Variants in HSPA4L observed in about 807,000 individuals in gnomAD.
HSPA4L encodes heat shock protein family A (Hsp70) member 4 like.
Under a neutral mutation model 100.3 loss-of-function variants are expected in HSPA4L, and 48 were observed. That is an observed-to-expected ratio of 0.48 (90% CI 0.38 to 0.61). HSPA4L has a LOEUF of 0.61. HSPA4L is among the 20% of genes least tolerant of loss of function. The probability of loss-of-function intolerance (pLI) is 0.00; values close to 1 mark genes in which losing one functional copy is unlikely to be tolerated. For missense variants in HSPA4L, 886 were observed against 988.6 expected, an observed-to-expected ratio of 0.90 and a Z score of 1.39; for synonymous variants, 319 against 328.2, an observed-to-expected ratio of 0.97 and a Z score of 0.30.
intron 16 of HSPA4L, 68 bp from the exon 17 acceptor site, chr4:127,827,237 G>A: frequency 8.0e-7 from 1 of 1,254,804 alleles, no homozygotes; most frequent in Non-Finnish European, 1.1e-6. Context: ...CATCCTATAA[G>A]GGCCCTATAA....
At chr4:127,795,571 G>A (rs1578693673) in intron 2 of HSPA4L, among the ~76,000 whole-genome samples, 197 bp from the exon 3 acceptor site, 1 of 152,218 alleles carries the variant, frequency 6.6e-6, no homozygotes, top group East Asian at 1.9e-4. Context: ...GATAATTTGG[G>A]AGGCAAGTGT....
chr4:127,810,432 G>A (rs1733492621), intron 11 of HSPA4L, among the ~76,000 whole-genome samples: 1 of 152,104 alleles, frequency 6.6e-6, no homozygotes, highest in African/African-American at 2.4e-5. Flanking sequence ...TCTCATTTCT[G>A]GAGGTTAGAA....
chr4:127,820,661 A>C (rs762888072), intron 14 of HSPA4L, 96 bp downstream of exon 14: 35 of 1,132,970 alleles, frequency 3.1e-5, no homozygotes, highest in Non-Finnish European at 4.1e-5. Context: ...GCACTAGTTT[A>C]TAACTCCTAA....
In HSPA4L at chr4:127,835,032, T is replaced by TATTTA. The variant is rs1734172057; in HGVS notation, c.*2159_*2163dup. ...AAACGATTTAGCCTTATAATGTATT[T>TATTTA]ATTTATTTAATTCATTAATGAAAGA... On this transcript the variant is annotated 3_prime_UTR_variant, in exon 19 of 19. Transcript: ENST00000296464. 1 of 152,146 alleles carries TATTTA rather than the reference T, an allele frequency of 6.6e-6. No individual in the cohort carries two copies. Among genetic ancestry groups the TATTTA allele is most frequent in the Admixed American group, 6.5e-5 (1 of 15,284 alleles). 9.4% of individuals were successfully genotyped at this position (152,146 alleles called of 1,614,324 possible).
At chr4:127,805,494 T>A (rs891956412) in intron 9 of HSPA4L, among the ~76,000 whole-genome samples, 193 bp from the exon 10 acceptor site, 3 of 152,260 alleles carry the variant, frequency 2.0e-5, no homozygotes, top group Middle Eastern at 3.4e-3. Flanking sequence ...TGTAAAGATA[T>A]TCTGTTAATT....
At chr4:127,824,203 G>A (rs1020294341) in intron 16 of HSPA4L, among the ~76,000 whole-genome samples, 3 of 152,158 alleles carry the variant, frequency 2.0e-5, no homozygotes, top group African/African-American at 4.8e-5. Context: ...ATAGTATTCC[G>A]TTGTATATGC....
chr4:127,831,766 A>G (rs1309988949), intron 18 of HSPA4L, among the ~76,000 whole-genome samples: 1 of 152,008 alleles, frequency 6.6e-6, no homozygotes, highest in Non-Finnish European at 1.5e-5. Context: ...ATATCCACCA[A>G]AAGGTTAATA....
rs56013070 is a variant in HSPA4L, at chr4:127,804,608, A to AACACACACACACAC, written c.986-438_986-425dup. 1.2e-4 allele frequency among the ~76,000 whole-genome samples: 18 copies of AACACACACACACAC among 144,316 alleles called. No homozygotes were observed. The South Asian group carries it at 1.6e-3, about 13-fold the overall frequency. The allele number at this position is 144,316 out of a possible 152,430, so 94.7% of individuals were successfully genotyped here. A position where few individuals can be genotyped will look rare whatever the true frequency, so the allele number is the denominator to read the frequency against. ...GCAACAGAGTGAGACTCTGTCTCAA[A>AACACACACACACAC]ACACACACACACACACACACACACA... On this transcript the variant is annotated intron_variant, in intron 8 of 18. Coordinates refer to ENST00000296464, the MANE Select transcript of HSPA4L (RefSeq NM_014278.4).
intron 16 of HSPA4L, among the ~76,000 whole-genome samples, chr4:127,826,157 G>A (rs1032404526): frequency 6.6e-6 from 1 of 151,978 alleles, no homozygotes; most frequent in East Asian, 1.9e-4. Context: ...CTGTAATGTT[G>A]GCACTTTGAG....
intron 13 of HSPA4L, among the ~76,000 whole-genome samples, chr4:127,818,883 TA>T (rs1046596410): frequency 2.5e-3 from 357 of 140,494 alleles, no homozygotes; most frequent in Non-Finnish European, 2.7e-3. Context: ...CTTAAAAGTT[TA>T]AAAAAAAAAA....
intron 11 of HSPA4L, among the ~76,000 whole-genome samples, chr4:127,809,017 A>C (rs1356501903): frequency 6.6e-6 from 1 of 152,184 alleles, no homozygotes; most frequent in Non-Finnish European, 1.5e-5. Flanking sequence ...TTTTAAACTT[A>C]ATGTTTACTG....
chr4:127,809,621 G>A (rs1733470679), intron 11 of HSPA4L: 1 of 572,722 alleles, frequency 1.7e-6, no homozygotes, highest in African/African-American at 1.9e-5. Flanking sequence ...AGTGAAAGCA[G>A]AAAGAAGGGT....
At chr4:127,796,040 TG>T (rs1484486116) in intron 3 of HSPA4L, 132 bp downstream of exon 3, 1 of 730,372 alleles carries the variant, frequency 1.4e-6, no homozygotes, top group African/African-American at 1.8e-5. Context: ...TAGTAGTTTT[TG>T]TAATAATTTT....
Position 127,830,877 on chromosome 4 carries a change from A to G in HSPA4L, c.2328+78A>G, listed in dbSNP as rs1734063555. On this transcript the variant is annotated intron_variant, in intron 18 of 18. Transcript: ENST00000296464. Reference sequence around the variant, plus strand: ...AATGAGAGTCATACTTTGGCAAATAATCAACTTGCAGAAGAACTTAGAACA... The same window carrying G: ...AATGAGAGTCATACTTTGGCAAATAGTCAACTTGCAGAAGAACTTAGAACA... The G allele has an allele frequency of 5.7e-6, 5 of 881,646 alleles. No homozygotes were observed. In the East Asian group the frequency reaches 1.5e-4, roughly 27 times the overall value. 54.6% of individuals were successfully genotyped at this position (881,646 alleles called of 1,614,324 possible).
chr4:127,801,528 A>C (rs892772634), intron 5 of HSPA4L, among the ~76,000 whole-genome samples: 12 of 150,032 alleles, frequency 8.0e-5, no homozygotes, highest in African/African-American at 3.0e-4. Context: ...TAAGCTTGTT[A>C]CTTTGTAGTA....
chr4:127,787,521 CTG>C (rs1467678778), intron 1 of HSPA4L, among the ~76,000 whole-genome samples: 3 of 152,060 alleles, frequency 2.0e-5, no homozygotes, highest in African/African-American at 7.2e-5. Context: ...ATGTACATAA[CTG>C]GGATTTTTTA....
intron 6 of HSPA4L, 76 bp downstream of exon 6, chr4:127,801,994 A>G: frequency 8.4e-7 from 1 of 1,190,784 alleles, no homozygotes; most frequent in Admixed American, 2.6e-5. Flanking sequence ...CTGGGTTCGA[A>G]TCCTGGCTCT....
At chr4:127,811,079 A>G (rs1193254831) in intron 11 of HSPA4L, among the ~76,000 whole-genome samples, 1 of 152,176 alleles carries the variant, frequency 6.6e-6, no homozygotes, top group Non-Finnish European at 1.5e-5. Flanking sequence ...TTTGTTTTCA[A>G]ATTCAGAAAG....
chr4:127,809,413 T>C (rs2148789842), intron 11 of HSPA4L: 1 of 1,250,118 alleles, frequency 8.0e-7, no homozygotes, highest in East Asian at 2.3e-5. Context: ...GGATACTTCA[T>C]AACTCAAGAC....
Sources: allele counts gnomAD v4.1 joint callset (sites outside exome capture counted in the v4.1 genomes callset), GRCh38; gene constraint gnomAD v4.1.1; transcripts MANE v1.5; gene names NCBI Gene and HGNC (gene_info 2026-07-23, HGNC 2026-07-21).